The following H2AC8 variants were observed in gnomAD, a reference collection of about 807,000 sequenced individuals.
The protein encoded by H2AC8 is H2A clustered histone 8.
Under a neutral mutation model 6.3 loss-of-function variants are expected in H2AC8, and 9 were observed. That is an observed-to-expected ratio of 1.43 (90% CI 0.86 to 2.49). H2AC8 has a LOEUF of 2.49. H2AC8 is among the 30% of genes most tolerant of loss of function. The pLI is 0.00. For synonymous variants in H2AC8, 176 were observed against 79.6 expected (o/e 2.21, Z -6.45); for missense variants, 141 against 177.5 (o/e 0.79, Z 1.17).
chr6:26,217,344 C>T (rs1449811304), exon 1 of H2AC8: 2 of 1,613,930 alleles, frequency 1.2e-6, no homozygotes, highest in African/African-American at 2.7e-5. Context: ...GACGGAGAGC[C>T]ACCATAAGGC....
chr6:26,217,013 A>C (rs1377013850), exon 1 of H2AC8: 5 of 1,614,070 alleles, frequency 3.1e-6, no homozygotes, highest in Non-Finnish European at 1.7e-6. Context: ...AAGCTCGGGC[A>C]AAAGCTAAAA....
At chr6:26,216,969 GC>G (rs1333012815), upstream of H2AC8, 7 of 1,614,066 alleles carry the variant, frequency 4.3e-6, no homozygotes, top group Non-Finnish European at 5.9e-6. Flanking sequence ...CTGTTAGGAA[GC>G]CACTATGTCT....
At chr6:26,217,028 T>A in exon 1 of H2AC8, 1 of 1,614,202 alleles carries the variant, frequency 6.2e-7, no homozygotes, top group Non-Finnish European at 8.5e-7. Context: ...CTAAAACGCG[T>A]TCTTCCAGGG....
At chr6:26,217,409 A>C in exon 1 of H2AC8, 2 of 1,591,220 alleles carry the variant, frequency 1.3e-6, no homozygotes, top group Non-Finnish European at 1.7e-6. Flanking sequence ...CGAGTCCCAG[A>C]AACCAAAGGC....
In H2AC8 at chr6:26,217,110, G is replaced by A. The variant is rs781750989; in HGVS notation, c.136G>A (p.Ala46Thr). The A allele has an allele frequency of 1.8e-5, 29 of 1,614,188 alleles. No homozygotes were observed. Among genetic ancestry groups the A allele is most frequent in the Non-Finnish European group, 2.5e-5 (29 of 1,180,036 alleles). Residue 46 changes from alanine to threonine, a missense_variant, in exon 1 of 1, where the codon GCC becomes ACC. Transcript: ENST00000303910. ...AGGCAACTACTCCGAACGAGTCGGG[G>A]CCGGCGCTCCAGTGTACCTGGCAGC...
At chr6:26,217,199 G>C (rs563842312) in exon 1 of H2AC8, 1 of 1,614,058 alleles carries the variant, frequency 6.2e-7, no homozygotes, top group Non-Finnish European at 8.5e-7. Context: ...GCGACAATAA[G>C]AAGACCCGCA....
At chr6:26,217,272 C>A in exon 1 of H2AC8, 1 of 1,614,204 alleles carries the variant, frequency 6.2e-7, no homozygotes, top group Non-Finnish European at 8.5e-7. Flanking sequence ...GCTTCTAGGT[C>A]GCGTGACCAT....
rs763745951 is a variant in H2AC8, at chr6:26,216,998, C to G, written c.24C>G (p.Gly8=). 4 of 1,614,042 alleles carry G rather than the reference C, an allele frequency of 2.5e-6. No homozygotes were observed. In the African/African-American group the frequency reaches 5.3e-5, roughly 22 times the overall value. The stretch of plus-strand genomic sequence containing the variant: ...CTATGTCTGGACGTGGAAAGCAAGG[C>G]GGCAAAGCTCGGGCAAAAGCTAAAA... The change falls in exon 1 of 1, where the codon GGC becomes GGG. Residue 8 remains glycine (G), a synonymous_variant. Coordinates refer to ENST00000303910, the Ensembl canonical transcript of H2AC8.
At chr6:26,217,363 A>G (rs1259938668) in exon 1 of H2AC8, 2 of 1,611,828 alleles carry the variant, frequency 1.2e-6, no homozygotes, top group Non-Finnish European at 1.7e-6. Flanking sequence ...GCCAAGGGCA[A>G]GTGAAATGAT....
At chr6:26,217,068 C>A (rs772778956) in exon 1 of H2AC8, 1 of 1,614,208 alleles carries the variant, frequency 6.2e-7, no homozygotes, top group Admixed American at 1.7e-5. Context: ...TGGCCGTGTG[C>A]ACCGCCTCCT....
exon 1 of H2AC8, chr6:26,217,395 A>G (rs764569632): frequency 6.3e-7 from 1 of 1,597,184 alleles, no homozygotes; most frequent in Non-Finnish European, 8.5e-7. Flanking sequence ...TCCGTCAGTG[A>G]TCCCGAGTCC....
exon 1 of H2AC8, chr6:26,217,378 A>T (rs1386645527): frequency 6.2e-7 from 1 of 1,603,516 alleles, no homozygotes; most frequent in African/African-American, 1.3e-5. Context: ...AATGATTACT[A>T]GTCAAATCCG....
At chr6:26,217,019 T>C (rs753568483) in exon 1 of H2AC8, 3 of 1,614,062 alleles carry the variant, frequency 1.9e-6, no homozygotes. Context: ...GGGCAAAAGC[T>C]AAAACGCGTT....
exon 1 of H2AC8, chr6:26,217,205 C>A (rs529624501): frequency 6.2e-7 from 1 of 1,614,200 alleles, no homozygotes; most frequent in East Asian, 2.2e-5. Context: ...ATAAGAAGAC[C>A]CGCATCATCC....
At chr6:26,216,983 A>G in exon 1 of H2AC8, 5 of 1,614,120 alleles carry the variant, frequency 3.1e-6, no homozygotes, top group African/African-American at 1.3e-5. Flanking sequence ...CTATGTCTGG[A>G]CGTGGAAAGC....
At position 26,217,028 on chromosome 6, in the gene H2AC8, T is replaced by TA; in HGVS notation, c.54_55insA (p.Ser19IlefsTer57). 6.2e-7 allele frequency: 1 copy of TA among 1,614,202 alleles called. No individual in the cohort carries two copies. Among genetic ancestry groups the TA allele is most frequent in the East Asian group, 2.2e-5 (1 of 44,890 alleles). Reference sequence around the variant, plus strand: ...AAGCTCGGGCAAAAGCTAAAACGCGTTCTTCCAGGGCCGGTCTTCAGTTTC... The same window carrying TA: ...AAGCTCGGGCAAAAGCTAAAACGCGTATCTTCCAGGGCCGGTCTTCAGTTTC... On this transcript the variant is annotated frameshift_variant, in exon 1 of 1. Transcript: ENST00000303910. LOFTEE classifies it high-confidence loss of function.
At position 26,217,101 on chromosome 6, in the gene H2AC8, C is replaced by T. The variant is rs1396727697; in HGVS notation, c.127C>T (p.Arg43Ter). Residue 43 changes from arginine (R) to a stop codon, truncating the protein, a stop_gained, in exon 1 of 1, where the codon CGA (arginine) becomes TGA (stop). Coordinates refer to ENST00000303910, the Ensembl canonical transcript of H2AC8. LOFTEE classifies it high-confidence loss of function. Reference sequence around the variant, plus strand: ...CCTCCGCAAAGGCAACTACTCCGAACGAGTCGGGGCCGGCGCTCCAGTGTA... The same window carrying T: ...CCTCCGCAAAGGCAACTACTCCGAATGAGTCGGGGCCGGCGCTCCAGTGTA... The T allele has an allele frequency of 1.2e-6, 2 of 1,614,202 alleles. No individual in the cohort carries two copies. Among genetic ancestry groups the T allele is most frequent in the Non-Finnish European group, 1.7e-6 (2 of 1,180,048 alleles).
chr6:26,217,399 C>T, exon 1 of H2AC8: 1 of 1,595,296 alleles, frequency 6.3e-7, no homozygotes, highest in Non-Finnish European at 8.5e-7. Flanking sequence ...TCAGTGATCC[C>T]GAGTCCCAGA....
exon 1 of H2AC8, chr6:26,217,215 C>T: frequency 6.2e-7 from 1 of 1,614,182 alleles, no homozygotes; most frequent in Non-Finnish European, 8.5e-7. Flanking sequence ...CCGCATCATC[C>T]CGCGCCACCT....
Sources: gnomAD v4.1 joint callset for allele counts on GRCh38, gnomAD v4.1.1 for gene constraint, MANE v1.5 for transcripts, NCBI Gene and HGNC (gene_info 2026-07-23, HGNC 2026-07-21) for gene names.